UBLCP1: variants seen among roughly 807,000 people sequenced by gnomAD.
The protein encoded by UBLCP1 is ubiquitin like domain containing CTD phosphatase 1.
UBLCP1 carries 28 observed loss-of-function variants against 42.4 expected under a neutral mutation model. The ratio of observed to expected loss-of-function variants is 0.66; its 90% CI spans 0.49 to 0.90. UBLCP1 has a LOEUF of 0.90. Ranked by LOEUF, UBLCP1 falls within the 40% of genes least tolerant of loss-of-function variation. UBLCP1 has a pLI of 0.00. For missense variants in UBLCP1, 279 were observed against 374.5 expected, an observed-to-expected ratio of 0.75 and a Z score of 2.10; for synonymous variants, 122 against 120.8, an observed-to-expected ratio of 1.01 and a Z score of -0.07.
At chr5:159,274,643 C>A in intron 7 of UBLCP1, 21 bp downstream of exon 7, 1 of 1,599,034 alleles carries the variant, frequency 6.3e-7, no homozygotes, top group Non-Finnish European at 8.5e-7. Flanking sequence ...GAAAGCAATC[C>A]ATTTAAAAAT....
In UBLCP1 at chr5:159,281,084, T is replaced by G. The variant is rs145284858; in HGVS notation, c.802-2128T>G. ...TAGGTGCATAGATTTTCACCCTTAA[T>G]TTGTTTATTTAAAATTTTAGAACCA... is the stretch of plus-strand genomic sequence containing the variant. On this transcript the variant is annotated intron_variant, in intron 9 of 10. Coordinates refer to ENST00000296786, the MANE Select transcript of UBLCP1 (RefSeq NM_145049.5). Among the ~76,000 whole-genome samples, 18 of 152,314 alleles carry G rather than the reference T, an allele frequency of 1.2e-4. 1 individual carries two copies. Among genetic ancestry groups the G allele is most frequent in the African/African-American group, 3.4e-4 (14 of 41,586 alleles).
intron 10 of UBLCP1, 37 bp from the exon 11 acceptor site, chr5:159,284,867 T>G (rs1371416081): frequency 6.2e-7 from 1 of 1,610,716 alleles, no homozygotes; most frequent in South Asian, 1.1e-5. Flanking sequence ...GAATTTAGCA[T>G]GATACAGCTT....
chr5:159,281,861 CA>C (rs5872593), intron 9 of UBLCP1, among the ~76,000 whole-genome samples: 79,534 of 142,128 alleles, frequency 0.56, 21,395 homozygotes, highest in East Asian at 0.78. Flanking sequence ...AACTAATGAC[CA>C]AAAAAAAAAA....
intron 5 of UBLCP1, among the ~76,000 whole-genome samples, chr5:159,271,649 T>C (rs1024415389): frequency 6.6e-6 from 1 of 152,198 alleles, no homozygotes; most frequent in African/African-American, 2.4e-5. Flanking sequence ...TTTGATGAAA[T>C]GTGATTATAT....
intron 9 of UBLCP1, 152 bp from the exon 10 acceptor site, chr5:159,283,060 A>G (rs1584742559): frequency 5.7e-6 from 4 of 697,364 alleles, no homozygotes; most frequent in Non-Finnish European, 6.7e-6. Flanking sequence ...ATTATACATG[A>G]CTTTCTATTT....
chr5:159,269,969 C>G lies in UBLCP1; in HGVS notation c.216C>G (p.Ile72Met). ...TCAAACTGAAACCAAATACTAAAAT[C>G]ATGATGATGGGAACTCGTGAGGAGA... ...GALKLKPNTK[I>M]MMMGTREESL... Residue 72 changes from isoleucine (I) to methionine (M), a missense_variant, in exon 3 of 11, where the codon ATC (isoleucine) becomes ATG (methionine). Ile to Met is a conservative substitution (Grantham distance 10). Coordinates refer to ENST00000296786, the MANE Select transcript of UBLCP1 (RefSeq NM_145049.5). The G allele has an allele frequency of 6.2e-7, 1 of 1,612,514 alleles. No homozygotes were observed. The highest frequency in any genetic ancestry group is 8.5e-7 in the Non-Finnish European group (1 of 1,179,482).
intron 1 of UBLCP1, among the ~76,000 whole-genome samples, chr5:159,266,495 C>T (rs1753393222): frequency 6.6e-6 from 1 of 152,196 alleles, no homozygotes; most frequent in Non-Finnish European, 1.5e-5. Flanking sequence ...AGCAGCCTGA[C>T]TATGCAGTAG....
At chr5:159,275,782 G>C (rs1179689345) in intron 8 of UBLCP1, among the ~76,000 whole-genome samples, 1 of 152,180 alleles carries the variant, frequency 6.6e-6, no homozygotes, top group African/African-American at 2.4e-5. Context: ...AAAGGAACTT[G>C]TGATTGTGGG....
intron 1 of UBLCP1, among the ~76,000 whole-genome samples, chr5:159,264,822 T>C (rs772239351): frequency 6.6e-6 from 1 of 152,218 alleles, no homozygotes; most frequent in Non-Finnish European, 1.5e-5. Flanking sequence ...ACCACTAGTC[T>C]AGAAGAGCAA....
intron 9 of UBLCP1, among the ~76,000 whole-genome samples, chr5:159,281,347 A>G (rs1248733327): frequency 6.6e-6 from 1 of 152,204 alleles, no homozygotes; most frequent in East Asian, 1.9e-4. Flanking sequence ...AAACATTACC[A>G]TATCACCCAG....
intron 1 of UBLCP1, among the ~76,000 whole-genome samples, chr5:159,267,444 T>C (rs1173320092): frequency 6.6e-6 from 1 of 152,238 alleles, no homozygotes; most frequent in Non-Finnish European, 1.5e-5. Context: ...TTTTACAGGC[T>C]CATAGGCAGA....
chr5:159,264,949 C>G (rs1374141860), intron 1 of UBLCP1, among the ~76,000 whole-genome samples: 1 of 152,190 alleles, frequency 6.6e-6, no homozygotes, highest in Non-Finnish European at 1.5e-5. Flanking sequence ...GTAGGATTCC[C>G]TTTTATTCTT....
chr5:159,275,512 G>A (rs187434861), intron 8 of UBLCP1, among the ~76,000 whole-genome samples: 258 of 136,710 alleles, frequency 1.9e-3, no homozygotes, highest in African/African-American at 6.5e-3. Flanking sequence ...CCAGGTTCAC[G>A]CCATTCTCCT....
chr5:159,275,664 G>A (rs752976825), intron 8 of UBLCP1, among the ~76,000 whole-genome samples: 13 of 152,016 alleles, frequency 8.6e-5, no homozygotes, highest in Admixed American at 1.3e-4. Flanking sequence ...CGCCTGCCTC[G>A]GCCTCCCAAA....
intron 1 of UBLCP1, among the ~76,000 whole-genome samples, chr5:159,268,304 C>T (rs1002128681): frequency 6.6e-6 from 1 of 152,158 alleles, no homozygotes; most frequent in African/African-American, 2.4e-5. Flanking sequence ...TTACTAGGTG[C>T]CAGGCACTAT....
In UBLCP1 at chr5:159,275,263, T is replaced by C. The variant is rs372507876; in HGVS notation, c.684+17T>C. 3.5e-5 allele frequency: 55 copies of C among 1,591,056 alleles called. No individual in the cohort carries two copies. Among genetic ancestry groups the C allele is most frequent in the Non-Finnish European group, 4.5e-5 (52 of 1,161,896 alleles). On this transcript the variant is annotated intron_variant, in intron 8 of 10. Coordinates refer to ENST00000296786, the MANE Select transcript of UBLCP1 (RefSeq NM_145049.5). ...TTAATAGACGTAAGAAGTCATTTTA[T>C]TTCTATTTAATGACACCATGGTTAT...
intron 5 of UBLCP1, among the ~76,000 whole-genome samples, 154 bp from the exon 6 acceptor site, chr5:159,271,869 A>G (rs1753470738): frequency 6.6e-6 from 1 of 152,242 alleles, no homozygotes; most frequent in Non-Finnish European, 1.5e-5. Flanking sequence ...TTTGAAAGAC[A>G]TCTTTTTGTC....
intron 1 of UBLCP1, among the ~76,000 whole-genome samples, chr5:159,267,649 CT>C (rs1753415476): frequency 6.6e-6 from 1 of 152,172 alleles, no homozygotes; most frequent in South Asian, 2.1e-4. Flanking sequence ...TGAATGATAT[CT>C]CCCATAATTC....
chr5:159,285,585 C>T lies in UBLCP1; in HGVS notation c.*654C>T, dbSNP rs1408214683. On this transcript the variant is annotated 3_prime_UTR_variant, in exon 11 of 11. Transcript: ENST00000296786. The stretch of plus-strand genomic sequence containing the variant: ...ATGTCCAAGTAAAGCTGGAAAATGT[C>T]AGTCTTGACACAGCTGTGTCTTAGT... 1 of 152,270 alleles carries T rather than the reference C, an allele frequency of 6.6e-6. No individual in the cohort carries two copies. The highest frequency in any genetic ancestry group is 2.4e-5 in the African/African-American group (1 of 41,418). 9.4% of individuals were successfully genotyped at this position (152,270 alleles called of 1,614,324 possible). A position where few individuals can be genotyped will look rare whatever the true frequency, so the allele number is the denominator to read the frequency against.
Sources: gnomAD v4.1 joint callset for allele counts (sites outside exome capture counted in the v4.1 genomes callset) on GRCh38, gnomAD v4.1.1 for gene constraint, MANE v1.5 for transcripts, NCBI Gene and HGNC (gene_info 2026-07-23, HGNC 2026-07-21) for gene names.